Variants in PRDM7 observed in about 807,000 individuals in gnomAD.
PRDM7 encodes PR/SET domain 7.
In PRDM7, 52 loss-of-function variants were observed where a neutral mutation model predicts 64.3. The observed-to-expected ratio is 0.81, with a 90% CI of 0.65 to 1.02. The LOEUF is 1.02. PRDM7 is among the 50% of genes least tolerant of loss of function. PRDM7 has a pLI of 0.00. For synonymous variants in PRDM7, 192 were observed against 210.1 expected (o/e 0.91, Z 0.74); for missense variants, 574 against 597.1 (o/e 0.96, Z 0.40).
chr16:90,063,602 T>G lies in PRDM7; in HGVS notation c.508+10A>C, dbSNP rs773801640. On this transcript the variant is annotated intron_variant, in intron 6 of 10. Coordinates refer to ENST00000449207, the MANE Select transcript of PRDM7 (RefSeq NM_001098173.2). The stretch of plus-strand genomic sequence containing the variant: ...TAGAGGGACTAAATTCCCCTCAAAT[T>G]TTTTCTTACCCAGTTTTAGTCTAGA... 7.4e-6 allele frequency: 12 copies of G among 1,612,506 alleles called. No individual in the cohort carries two copies. The highest frequency in any genetic ancestry group is 8.5e-6 in the Non-Finnish European group (10 of 1,179,864).
At chr16:90,077,065 A>G (rs1301456019) in intron 1 of PRDM7, among the ~76,000 whole-genome samples, 161 bp downstream of exon 1, 1 of 151,858 alleles carries the variant, frequency 6.6e-6, no homozygotes, top group East Asian at 1.9e-4. Flanking sequence ...GGGGTCTCTG[A>G]AGCTGAGGTA....
chr16:90,060,723 C>T, intron 9 of PRDM7, 100 bp from the exon 10 acceptor site: 4 of 1,532,294 alleles, frequency 2.6e-6, no homozygotes, highest in Non-Finnish European at 3.6e-6. Flanking sequence ...CCCTGCTGTG[C>T]CTAATCAGCC....
intron 4 of PRDM7, among the ~76,000 whole-genome samples, chr16:90,070,313 T>G (rs1191654268): frequency 6.7e-6 from 1 of 150,136 alleles, no homozygotes; most frequent in African/African-American, 2.5e-5. Flanking sequence ...GTGCTTTTGG[T>G]TGGGTGCGGT....
rs748279339 is a variant in PRDM7 at position 90,061,976 on chromosome 16, T to C, written c.827A>G (p.Tyr276Cys). Residue 276 changes from tyrosine to cysteine, a missense_variant, in exon 8 of 11, where the codon TAT (tyrosine) becomes TGT (cysteine). Tyr to Cys is a radical substitution (Grantham distance 194). Coordinates refer to ENST00000449207, the MANE Select transcript of PRDM7 (RefSeq NM_001098173.2). Reference sequence around the variant, plus strand: ...TTCGTCTTCTGTAATTCGGCCCTCATAGGGGCCAAAGTGCAGACCCAGTGG... The same window carrying C: ...TTCGTCTTCTGTAATTCGGCCCTCACAGGGGCCAAAGTGCAGACCCAGTGG... ...DLPLGLHFGP[Y>C]EGRITEDEEA... The C allele has an allele frequency of 2.7e-5, 43 of 1,614,128 alleles. No homozygotes were observed. The East Asian group carries it at 3.8e-4, about 14-fold the overall frequency.
chr16:90,061,987 G>T lies in PRDM7; in HGVS notation c.816C>A (p.His272Gln). Residue 272 changes from histidine (H) to glutamine (Q), a missense_variant, in exon 8 of 11, where the codon CAC becomes CAA. Coordinates refer to ENST00000449207, the MANE Select transcript of PRDM7 (RefSeq NM_001098173.2). ...TAATTCGGCCCTCATAGGGGCCAAA[G>T]TGCAGACCCAGTGGCAGATCAGATG... ...NEASDLPLGL[H>Q]FGPYEGRITE... 7 of 1,614,258 alleles carry T rather than the reference G, an allele frequency of 4.3e-6. No individual in the cohort carries two copies. The highest frequency in any genetic ancestry group is 5.9e-6 in the Non-Finnish European group (7 of 1,180,054).
chr16:90,061,646 G>T, intron 8 of PRDM7, 127 bp from the exon 9 acceptor site: 1 of 1,212,504 alleles, frequency 8.2e-7, no homozygotes. Flanking sequence ...CACATGGCAT[G>T]CACCTTAGTC....
rs149169518 is a variant in PRDM7 at position 90,064,398 on chromosome 16, C to T, written c.352-630G>A. ...GTTTCCCGATCCAGAAGTTGGCATA[C>T]ATGGTTTTGTTTTGTTTTGTTTTGT... On this transcript the variant is annotated intron_variant, in intron 5 of 10. Coordinates refer to ENST00000449207, the MANE Select transcript of PRDM7 (RefSeq NM_001098173.2). Among the ~76,000 whole-genome samples the T allele has an allele frequency of 1.3e-4, 19 of 151,530 alleles. No homozygotes were observed. The East Asian group carries it at 3.7e-3, about 29-fold the overall frequency.
chr16:90,059,543 C>G (rs996775633), intron 10 of PRDM7, among the ~76,000 whole-genome samples: 3 of 152,260 alleles, frequency 2.0e-5, no homozygotes, highest in African/African-American at 7.2e-5. Flanking sequence ...GACCATTGCA[C>G]TAGCTGCGCC....
At chr16:90,061,860 C>T (rs866075435) in intron 8 of PRDM7, 61 bp downstream of exon 8, 10 of 1,607,684 alleles carry the variant, frequency 6.2e-6, no homozygotes, top group Non-Finnish European at 8.5e-6. Context: ...GGTGATGTCC[C>T]ATCAAAGGCA....
chr16:90,074,967 G>A lies in PRDM7; in HGVS notation c.250C>T (p.Gln84Ter). ...TCGGAATCTTCTGTGTCATCCACCT[G>A]GAGTTTGATGGCCTGCCTTCGGTGA... ...MCHRRQAIKL[Q>*]VDDTEDSDEE... is the part of the protein sequence containing the mutation. Residue 84 changes from glutamine (Q) to a stop codon, truncating the protein, a stop_gained, in exon 4 of 11, where the codon CAG becomes TAG. Coordinates refer to ENST00000449207, the MANE Select transcript of PRDM7 (RefSeq NM_001098173.2). LOFTEE classifies it high-confidence loss of function. 2 of 1,614,166 alleles carry A rather than the reference G, an allele frequency of 1.2e-6. No individual in the cohort carries two copies. Among genetic ancestry groups the A allele is most frequent in the South Asian group, 1.1e-5 (1 of 91,088 alleles).
Position 90,057,604 on chromosome 16 carries a change from A to G in PRDM7, c.*685T>C. 1 of 784,458 alleles carries G rather than the reference A, an allele frequency of 1.3e-6. No individual in the cohort carries two copies. Among genetic ancestry groups the G allele is most frequent in the South Asian group, 2.3e-5 (1 of 43,896 alleles). The allele number at this position is 784,458 out of a possible 1,614,324, so 48.6% of individuals were successfully genotyped here. On this transcript the variant is annotated 3_prime_UTR_variant, in exon 11 of 11. Coordinates refer to ENST00000449207, the MANE Select transcript of PRDM7 (RefSeq NM_001098173.2). ...GAGGGGATCAGTGCGGGAAACAACC[A>G]CACATGTTGACGTCCCCCGAACACT... is the stretch of plus-strand genomic sequence containing the variant.
chr16:90,063,349 A>G (rs942933253), intron 6 of PRDM7, among the ~76,000 whole-genome samples: 2 of 152,160 alleles, frequency 1.3e-5, no homozygotes, highest in African/African-American at 4.8e-5. Flanking sequence ...GAGGCATGAA[A>G]ATCGCTATTT....
intron 10 of PRDM7, among the ~76,000 whole-genome samples, chr16:90,059,743 G>A (rs1314800651): frequency 6.6e-6 from 1 of 152,174 alleles, no homozygotes; most frequent in Non-Finnish European, 1.5e-5. Flanking sequence ...ACCGATCCCA[G>A]GTCTCACACT....
At position 90,058,404 on chromosome 16, in the gene PRDM7, G is replaced by C. The variant is rs2037715734; in HGVS notation, c.1364C>G (p.Ser455Cys). The change falls in exon 11 of 11, where the codon TCC becomes TGC. Residue 455 changes from serine (S) to cysteine (C), a missense_variant. Ser to Cys is a moderately radical substitution (Grantham distance 112). Transcript: ENST00000449207. The stretch of plus-strand genomic sequence containing the variant: ...CCCCTGGGCAGGGATTCTCTGGTTG[G>C]AGAAGTTTTCTTGCAGATGGTCCTG... ...TSQDHLQENF[S>C]NQRIPAQGIR... The C allele has an allele frequency of 1.9e-6, 3 of 1,614,194 alleles. No homozygotes were observed. Among genetic ancestry groups the C allele is most frequent in the African/African-American group, 1.3e-5 (1 of 75,060 alleles).
intron 4 of PRDM7, among the ~76,000 whole-genome samples, chr16:90,074,302 TCA>T (rs2038003689): frequency 1.3e-5 from 2 of 151,244 alleles, no homozygotes; most frequent in Non-Finnish European, 2.9e-5. Context: ...ATCATCATCA[TCA>T]TCATCATCAT....
chr16:90,074,286 A>ATCATCATCG (rs1016115557), intron 4 of PRDM7, among the ~76,000 whole-genome samples: 8 of 38,838 alleles, frequency 2.1e-4, no homozygotes, highest in Non-Finnish European at 5.3e-4. Flanking sequence ...CATCATCGTC[A>ATCATCATCG]TCATCATCAT....
Position 90,058,013 on chromosome 16 carries a change from C to G in PRDM7, c.*276G>C, listed in dbSNP as rs1442170721. The G allele has an allele frequency of 1.9e-6, 3 of 1,608,654 alleles. No individual in the cohort carries two copies. Among genetic ancestry groups the G allele is most frequent in the Non-Finnish European group, 2.5e-6 (3 of 1,176,548 alleles). ...CTTCCGGCTAAAGCCCTCCCACACT[C>G]TCTGCAGACGTAGGGCTTCCCCCCT... is the stretch of plus-strand genomic sequence containing the variant. On this transcript the variant is annotated 3_prime_UTR_variant, in exon 11 of 11. Coordinates refer to ENST00000449207, the MANE Select transcript of PRDM7 (RefSeq NM_001098173.2).
At position 90,063,662 on chromosome 16, in the gene PRDM7, G is replaced by T; in HGVS notation, c.458C>A (p.Ser153Tyr). 2 of 1,614,086 alleles carry T rather than the reference G, an allele frequency of 1.2e-6. No individual in the cohort carries two copies. The highest frequency in any genetic ancestry group is 1.7e-6 in the Non-Finnish European group (2 of 1,180,032). The change falls in exon 6 of 11, where the codon TCC becomes TAC. Residue 153 changes from serine to tyrosine, a missense_variant. Ser to Tyr is a moderately radical substitution (Grantham distance 144). Coordinates refer to ENST00000449207, the MANE Select transcript of PRDM7 (RefSeq NM_001098173.2). The part of the protein sequence containing the change: ...SDSEQAQKPV[S>Y]PPGEASTSGQ... ...AGAGGTACTTGCTTCTCCAGGAGGG[G>T]ACACTGGTTTCTGAGCCTGCTCTGA...
chr16:90,066,679 G>C (rs1478971623), intron 5 of PRDM7, among the ~76,000 whole-genome samples, 182 bp downstream of exon 5: 1 of 151,236 alleles, frequency 6.6e-6, no homozygotes, highest in Non-Finnish European at 1.5e-5. Flanking sequence ...AATAACCCAT[G>C]GTAGCGATTA....
Sources: allele counts gnomAD v4.1 joint callset (sites outside exome capture counted in the v4.1 genomes callset), GRCh38; gene constraint gnomAD v4.1.1; transcripts MANE v1.5; gene names NCBI Gene and HGNC (gene_info 2026-07-23, HGNC 2026-07-21).